Variants in AAGAB observed in about 807,000 individuals in gnomAD.
The protein encoded by AAGAB is alpha and gamma adaptin binding protein, also known as alpha- and gamma-adaptin-binding protein p34.
In AAGAB, 38 loss-of-function variants were observed where a neutral mutation model predicts 44.1. That is an observed-to-expected ratio of 0.86 (90% CI 0.67 to 1.13). The LOEUF is 1.13. AAGAB is among the 50% of genes most tolerant of loss of function. The pLI is 0.00. For missense variants in AAGAB, 450 were observed against 373.8 expected, an observed-to-expected ratio of 1.20 and a Z score of -1.68; for synonymous variants, 131 against 131.8, an observed-to-expected ratio of 0.99 and a Z score of 0.04.
At chr15:67,212,073 G>C (rs1243652928) in intron 5 of AAGAB, among the ~76,000 whole-genome samples, 2 of 152,060 alleles carry the variant, frequency 1.3e-5, no homozygotes, top group East Asian at 3.8e-4. Flanking sequence ...ATTGGAGACG[G>C]GGTTTCACCG....
intron 5 of AAGAB, among the ~76,000 whole-genome samples, chr15:67,231,371 G>GCT (rs1964330778): frequency 6.6e-6 from 1 of 152,090 alleles, no homozygotes. Context: ...TCTCCTTGAA[G>GCT]CTCTCTCTCT....
At chr15:67,209,309 C>T (rs1963754963) in intron 6 of AAGAB, among the ~76,000 whole-genome samples, 153 bp downstream of exon 6, 1 of 152,216 alleles carries the variant, frequency 6.6e-6, no homozygotes, top group African/African-American at 2.4e-5. Flanking sequence ...ACTGCTTTAG[C>T]AAGGGCTGTT....
chr15:67,253,766 AAAAG>A (rs1400498385), intron 1 of AAGAB, among the ~76,000 whole-genome samples: 43 of 151,970 alleles, frequency 2.8e-4, no homozygotes, highest in African/African-American at 1.0e-3. Flanking sequence ...TAAAAAAAAA[AAAAG>A]AAAAGAAGGA....
intron 5 of AAGAB, among the ~76,000 whole-genome samples, chr15:67,220,818 C>T (rs74953780): frequency 0.056 from 8,559 of 152,282 alleles, 296 homozygotes; most frequent in Non-Finnish European, 0.087. Context: ...TTAGGTACAA[C>T]TGTCATTAAT....
intron 4 of AAGAB, among the ~76,000 whole-genome samples, chr15:67,233,592 CAAG>C (rs1428225393): frequency 6.6e-6 from 1 of 152,162 alleles, no homozygotes; most frequent in Non-Finnish European, 1.5e-5. Context: ...GGTGGTTTAA[CAAG>C]AAGAGCACAG....
chr15:67,231,768 A>G, intron 5 of AAGAB, 46 bp downstream of exon 5: 1 of 1,434,498 alleles, frequency 7.0e-7, no homozygotes, highest in East Asian at 2.3e-5. Context: ...TTTAAAACTT[A>G]CAAGGAACAA....
At chr15:67,245,169 G>C (rs75095027) in intron 1 of AAGAB, among the ~76,000 whole-genome samples, 10 of 152,096 alleles carry the variant, frequency 6.6e-5, no homozygotes, top group African/African-American at 2.2e-4. Context: ...ATCCACCCAA[G>C]AGAAATGAAA....
At chr15:67,233,278 G>A (rs1412137784) in intron 4 of AAGAB, among the ~76,000 whole-genome samples, 1 of 152,130 alleles carries the variant, frequency 6.6e-6, no homozygotes, top group East Asian at 1.9e-4. Flanking sequence ...ACAGGCAAAG[G>A]GTCATTACGA....
chr15:67,216,270 C>T (rs1005108259), intron 5 of AAGAB, among the ~76,000 whole-genome samples: 5 of 151,484 alleles, frequency 3.3e-5, no homozygotes, highest in Admixed American at 1.3e-4. Context: ...GGTAAAACCC[C>T]GTCTCTACTA....
At chr15:67,206,582 T>C (rs2140343443) in intron 7 of AAGAB, among the ~76,000 whole-genome samples, 1 of 152,332 alleles carries the variant, frequency 6.6e-6, no homozygotes, top group Non-Finnish European at 1.5e-5. Flanking sequence ...TTCTTTCTCA[T>C]TTGTTTATTC....
chr15:67,205,255 CT>C (rs1407198275), intron 7 of AAGAB, among the ~76,000 whole-genome samples: 1 of 152,288 alleles, frequency 6.6e-6, no homozygotes, highest in Admixed American at 6.5e-5. Context: ...AGGATGATGA[CT>C]TATAATTATT....
chr15:67,252,917 A>C (rs1235647936), intron 1 of AAGAB, among the ~76,000 whole-genome samples: 1 of 152,252 alleles, frequency 6.6e-6, no homozygotes, highest in Non-Finnish European at 1.5e-5. Context: ...AATGCTTTAC[A>C]GTTTACAAAG....
chr15:67,238,922 C>T (rs568980367), intron 1 of AAGAB, among the ~76,000 whole-genome samples: 16 of 152,294 alleles, frequency 1.1e-4, no homozygotes, highest in African/African-American at 3.6e-4. Context: ...GTCTCGATCT[C>T]CTGACCTCGT....
intron 4 of AAGAB, among the ~76,000 whole-genome samples, chr15:67,233,798 T>C (rs1391745531): frequency 1.3e-5 from 2 of 152,310 alleles, no homozygotes; most frequent in South Asian, 2.1e-4. Flanking sequence ...TGAAAACTCC[T>C]TGACGGCAGG....
intron 5 of AAGAB, among the ~76,000 whole-genome samples, chr15:67,223,580 C>G (rs1371524515): frequency 1.3e-5 from 2 of 152,146 alleles, no homozygotes; most frequent in Admixed American, 1.3e-4. Context: ...TCTGAGCCAT[C>G]ACTCTCTTTC....
chr15:67,250,296 C>T (rs1277120465), intron 1 of AAGAB, among the ~76,000 whole-genome samples: 1 of 152,166 alleles, frequency 6.6e-6, no homozygotes, highest in East Asian at 1.9e-4. Flanking sequence ...CCTGCCTCAG[C>T]CACCTGAGTA....
Position 67,236,040 on chromosome 15 carries a change from C to A in AAGAB, c.390G>T (p.Trp130Cys). 6.2e-7 allele frequency: 1 copy of A among 1,613,150 alleles called. No homozygotes were observed. The highest frequency in any genetic ancestry group is 1.7e-4 in the Middle Eastern group (1 of 6,058). ...DGINRQKAQE[W>C]CIKHGFELVE... ...CCAATTCAAAGCCATGTTTGATGCA[C>A]CATTCTTGAGCTTTTTGTCGGTTTA... Residue 130 changes from tryptophan to cysteine, a missense_variant, in exon 4 of 10, where the codon TGG becomes TGT. By Grantham distance (215) the Trp-to-Cys change is radical. Transcript: ENST00000261880.
chr15:67,251,228 G>GTGTC (rs1555421180), intron 1 of AAGAB, among the ~76,000 whole-genome samples: 2 of 143,742 alleles, frequency 1.4e-5, no homozygotes, highest in African/African-American at 5.0e-5. Context: ...GTGTGTGTGT[G>GTGTC]TGTGTGTCTG....
chr15:67,233,799 T>C (rs1375527846), intron 4 of AAGAB, among the ~76,000 whole-genome samples: 1 of 152,182 alleles, frequency 6.6e-6, no homozygotes, highest in Non-Finnish European at 1.5e-5. Context: ...GAAAACTCCT[T>C]GACGGCAGGA....
Sources: allele counts gnomAD v4.1 joint callset (sites outside exome capture counted in the v4.1 genomes callset), GRCh38; gene constraint gnomAD v4.1.1; transcripts MANE v1.5; gene names NCBI Gene and HGNC (gene_info 2026-07-23, HGNC 2026-07-21).